ZNF528: variants seen among roughly 807,000 people sequenced by gnomAD.
ZNF528 encodes zinc finger protein 528.
ZNF528 carries 9 observed loss-of-function variants against 13.3 expected under a neutral mutation model. The observed-to-expected ratio is 0.67, with a 90% CI of 0.41 to 1.18. The LOEUF (loss-of-function observed/expected upper bound fraction) is 1.18. Ranked by LOEUF, ZNF528 falls within the 50% of genes most tolerant of loss-of-function variation. The pLI is 0.01. For missense variants in ZNF528, 858 were observed against 745.4 expected, an observed-to-expected ratio of 1.15 and a Z score of -1.76; for synonymous variants, 264 against 254.3, an observed-to-expected ratio of 1.04 and a Z score of -0.36.
At position 52,403,436 on chromosome 19, in the gene ZNF528, G is replaced by A. The variant is rs567875288; in HGVS notation, c.15+1408G>A. Among the ~76,000 whole-genome samples, 4 of 152,210 alleles carry A rather than the reference G, an allele frequency of 2.6e-5. No homozygotes were observed. In the East Asian group the frequency reaches 7.7e-4, roughly 29 times the overall value. On this transcript the variant is annotated intron_variant, in intron 4 of 6. Coordinates refer to ENST00000360465, the MANE Select transcript of ZNF528 (RefSeq NM_032423.3). ...ATCCCAGCACTTTGGGCCAAGGCGGGCAGATGAGAGGGTCAGGAGTTTGAA... is the reference window on the plus strand; with the variant it reads ...ATCCCAGCACTTTGGGCCAAGGCGGACAGATGAGAGGGTCAGGAGTTTGAA...
Position 52,402,001 on chromosome 19 carries a change from AAAG to A in ZNF528, c.-9_-7del, listed in dbSNP as rs1295957480. On this transcript the variant is annotated 5_prime_UTR_variant, in exon 4 of 7. Transcript: ENST00000360465. ...AGGAAGCAACTTGGAAGAGGAAAGAAAAGAAGTCAGGAATGGCCCTTACTCAGG... is the reference window on the plus strand; with the variant it reads ...AGGAAGCAACTTGGAAGAGGAAAGAAAAGTCAGGAATGGCCCTTACTCAGG... 5 of 1,614,178 alleles carry A rather than the reference AAAG, an allele frequency of 3.1e-6. No individual in the cohort carries two copies. Among genetic ancestry groups the A allele is most frequent in the Non-Finnish European group, 4.2e-6 (5 of 1,180,032 alleles).
chr19:52,407,041 C>G (rs576213234), intron 6 of ZNF528: 11 of 203,644 alleles, frequency 5.4e-5, no homozygotes, highest in African/African-American at 1.8e-4. Context: ...ACTTCCTGGG[C>G]TCAAGTGGTC....
rs2058971490 is a variant in ZNF528 at position 52,414,342 on chromosome 19, G to A, written c.272-782G>A. On this transcript the variant is annotated intron_variant, in intron 6 of 6. Coordinates refer to ENST00000360465, the MANE Select transcript of ZNF528 (RefSeq NM_032423.3). ...CAGACCTTGGGGGACTGAACGAAGG[G>A]GGCGAACATTGGAATAAAAGACAAA... 6 of 702,298 alleles carry A rather than the reference G, an allele frequency of 8.5e-6. No individual in the cohort carries two copies. The East Asian group carries it at 1.3e-4, about 16-fold the overall frequency. 43.5% of individuals were successfully genotyped at this position (702,298 alleles called of 1,614,324 possible). A position where few individuals can be genotyped will look rare whatever the true frequency, so the allele number is the denominator to read the frequency against.
Position 52,406,538 on chromosome 19 carries a change from G to A in ZNF528, c.166G>A (p.Val56Ile). ...AGGAATCTGTCTTCCTGACCTGAGT[G>A]TTACCTCCATGTTAGAGCAAAAGAG... ...SLGICLPDLS[V>I]TSMLEQKRDP... The change falls in exon 6 of 7, where the codon GTT (valine) becomes ATT (isoleucine). Residue 56 changes from valine (V) to isoleucine (I), a missense_variant. By Grantham distance (29) the Val-to-Ile change is conservative (BLOSUM62 3). Transcript: ENST00000360465. 1.9e-6 allele frequency: 3 copies of A among 1,613,888 alleles called. No individual in the cohort carries two copies. In the South Asian group the frequency reaches 3.3e-5, roughly 18 times the overall value.
chr19:52,404,690 G>C (rs1041017424), intron 4 of ZNF528, among the ~76,000 whole-genome samples: 45 of 151,970 alleles, frequency 3.0e-4, no homozygotes, highest in African/African-American at 1.0e-3. Context: ...TCCACCTCCC[G>C]GGTTCAAGAG....
At chr19:52,402,242 C>T (rs146018816) in intron 4 of ZNF528, among the ~76,000 whole-genome samples, 17 of 152,092 alleles carry the variant, frequency 1.1e-4, no homozygotes, top group East Asian at 3.9e-4. Context: ...GGGCATGGTC[C>T]GGGGGAGGGC....
Position 52,415,201 on chromosome 19 carries a change from CT to C in ZNF528, c.350del (p.Leu117ArgfsTer44). The C allele has an allele frequency of 6.2e-7, 1 of 1,613,800 alleles. No individual in the cohort carries two copies. Among genetic ancestry groups the C allele is most frequent in the Non-Finnish European group, 8.5e-7 (1 of 1,179,914 alleles). ...NQLGFTFQLH[L>X]SDLQLFQAER... ...ACTTGGATTCACTTTTCAGTTACAT[CT>C]GAGTGATCTACAGCTATTTCAAGCT... On this transcript the variant is annotated frameshift_variant, in exon 7 of 7. Coordinates refer to ENST00000360465, the MANE Select transcript of ZNF528 (RefSeq NM_032423.3). LOFTEE classifies it low-confidence loss of function (END_TRUNC).
intron 4 of ZNF528, 81 bp downstream of exon 4, chr19:52,402,109 C>G (rs2122514038): frequency 6.9e-6 from 11 of 1,598,022 alleles, no homozygotes; most frequent in Non-Finnish European, 9.4e-6. Flanking sequence ...ATCTTTGACT[C>G]TGAAGCATCC....
chr19:52,403,270 A>T (rs768501154), intron 4 of ZNF528, among the ~76,000 whole-genome samples: 25 of 152,180 alleles, frequency 1.6e-4, no homozygotes, highest in Non-Finnish European at 2.9e-4. Flanking sequence ...GTTCAAGGTT[A>T]TGGTGTGCTG....
chr19:52,415,653 GC>G lies in ZNF528; in HGVS notation c.803del (p.Pro268LeufsTer73). 6.2e-7 allele frequency: 1 copy of G among 1,614,012 alleles called. No homozygotes were observed. Among genetic ancestry groups the G allele is most frequent in the Non-Finnish European group, 8.5e-7 (1 of 1,180,010 alleles). On this transcript the variant is annotated frameshift_variant, in exon 7 of 7. Transcript: ENST00000360465. LOFTEE classifies it low-confidence loss of function (END_TRUNC). ...QHQRIHTGEK[P>X]YKCHECDKVF... The stretch of plus-strand genomic sequence containing the variant: ...ATCAAAGAATTCATACTGGAGAGAA[GC>G]CTTACAAATGTCATGAATGTGACAA...
chr19:52,401,337 A>G (rs2058791446), intron 2 of ZNF528, among the ~76,000 whole-genome samples: 1 of 152,194 alleles, frequency 6.6e-6, no homozygotes, highest in African/African-American at 2.4e-5. Context: ...ACCTGTCAGA[A>G]TGTGCTTAAA....
At chr19:52,407,685 A>G (rs1428912312) in intron 6 of ZNF528, among the ~76,000 whole-genome samples, 1 of 152,054 alleles carries the variant, frequency 6.6e-6, no homozygotes, top group Non-Finnish European at 1.5e-5. Flanking sequence ...CTGAGGCAGG[A>G]GAATCGCTTG....
chr19:52,410,750 C>T (rs1463655750), intron 6 of ZNF528, among the ~76,000 whole-genome samples: 1 of 152,160 alleles, frequency 6.6e-6, no homozygotes, highest in Non-Finnish European at 1.5e-5. Context: ...CATGTCTCTG[C>T]TGAAGCATTT....
Position 52,416,956 on chromosome 19 carries a change from T to A in ZNF528, c.*217T>A. On this transcript the variant is annotated 3_prime_UTR_variant, in exon 7 of 7. Transcript: ENST00000360465. ...TGGGCTATTATTCAAGGACCATTGC[T>A]ATAGAACACGATAGGATTTACACAA... 1 of 527,914 alleles carries A rather than the reference T, an allele frequency of 1.9e-6. No homozygotes were observed. Among genetic ancestry groups the A allele is most frequent in the Non-Finnish European group, 3.3e-6 (1 of 299,964 alleles). The allele number at this position is 527,914 out of a possible 1,614,324, so 32.7% of individuals were successfully genotyped here.
intron 3 of ZNF528, 55 bp from the exon 4 acceptor site, chr19:52,401,892 A>G: frequency 6.3e-7 from 1 of 1,579,514 alleles, no homozygotes; most frequent in South Asian, 1.1e-5. Flanking sequence ...TGGCTATGGC[A>G]CAGGAAGGAG....
At chr19:52,407,800 T>A (rs573866397) in intron 6 of ZNF528, among the ~76,000 whole-genome samples, 3 of 152,210 alleles carry the variant, frequency 2.0e-5, no homozygotes, top group African/African-American at 7.2e-5. Context: ...TGCATTTTTT[T>A]CTTTTGTTAA....
chr19:52,403,945 CATATA>C (rs888878724), intron 4 of ZNF528, among the ~76,000 whole-genome samples: 26 of 150,392 alleles, frequency 1.7e-4, no homozygotes, highest in African/African-American at 5.8e-4. Flanking sequence ...ATTATGGGGA[CATATA>C]ATATATTATA....
rs2058858501 is a variant in ZNF528 at position 52,406,554 on chromosome 19, A to G, written c.182A>G (p.Glu61Gly). Reference sequence around the variant, plus strand: ...GACCTGAGTGTTACCTCCATGTTAGAGCAAAAGAGAGATCCCTGGACTCTG... The same window carrying G: ...GACCTGAGTGTTACCTCCATGTTAGGGCAAAAGAGAGATCCCTGGACTCTG... ...LPDLSVTSML[E>G]QKRDPWTLQS... Residue 61 changes from glutamate (E) to glycine (G), a missense_variant, in exon 6 of 7, where the codon GAG (glutamate) becomes GGG (glycine). Physicochemically the swap from Glu to Gly is moderately conservative, Grantham distance 98. Coordinates refer to ENST00000360465, the MANE Select transcript of ZNF528 (RefSeq NM_032423.3). 1 of 1,613,928 alleles carries G rather than the reference A, an allele frequency of 6.2e-7. No individual in the cohort carries two copies. Among genetic ancestry groups the G allele is most frequent in the African/African-American group, 1.3e-5 (1 of 74,912 alleles).
chr19:52,409,322 G>C (rs534959774), intron 6 of ZNF528, among the ~76,000 whole-genome samples: 1 of 147,164 alleles, frequency 6.8e-6, no homozygotes. Context: ...TTTTTGAGAC[G>C]GAGTTTCACT....
Sources: allele counts gnomAD v4.1 joint callset (sites outside exome capture counted in the v4.1 genomes callset), GRCh38; gene constraint gnomAD v4.1.1; transcripts MANE v1.5; gene names NCBI Gene and HGNC (gene_info 2026-07-23, HGNC 2026-07-21).